Variants in PTPRT observed in about 807,000 individuals in gnomAD.
The protein encoded by PTPRT is protein tyrosine phosphatase receptor type T.
In PTPRT, 56 loss-of-function variants were observed where a neutral mutation model predicts 176.8. The observed-to-expected ratio is 0.32, with a 90% confidence interval of 0.26 to 0.40. The LOEUF (loss-of-function observed/expected upper bound fraction) is 0.40, where lower values mean the gene tolerates loss of function less well. Ranked by LOEUF, PTPRT falls within the 10% of genes least tolerant of loss-of-function variation. PTPRT has a pLI of 1.00. For synonymous variants in PTPRT, 783 were observed against 739.0 expected, an observed-to-expected ratio of 1.06 and a Z score of -0.96; for missense variants, 1,540 against 1,908.2, an observed-to-expected ratio of 0.81 and a Z score of 3.60.
At chr20:42,875,633 A>T (rs989491087) in intron 2 of PTPRT, among the ~76,000 whole-genome samples, 2 of 152,220 alleles carry the variant, frequency 1.3e-5, no homozygotes, top group African/African-American at 4.8e-5. Context: ...TCATTCACCC[A>T]GGAGAATATC....
chr20:43,139,189 T>G (rs966781054), intron 1 of PTPRT, among the ~76,000 whole-genome samples: 8 of 152,212 alleles, frequency 5.3e-5, no homozygotes, highest in African/African-American at 1.9e-4. Context: ...GACTGTGACT[T>G]TATCAATCGT....
chr20:42,194,960 AAC>A (rs1236935651), intron 16 of PTPRT, among the ~76,000 whole-genome samples: 1 of 152,188 alleles, frequency 6.6e-6, no homozygotes, highest in African/African-American at 2.4e-5. Flanking sequence ...GAATAGTGAG[AAC>A]ACATGGACAC....
intron 7 of PTPRT, among the ~76,000 whole-genome samples, chr20:42,549,274 G>A (rs1321248069): frequency 6.6e-6 from 1 of 151,938 alleles, no homozygotes. Context: ...CAGTAATCTG[G>A]ATGGAAGTTA....
chr20:42,340,598 T>C (rs900982189), intron 11 of PTPRT, among the ~76,000 whole-genome samples: 2 of 152,212 alleles, frequency 1.3e-5, no homozygotes, highest in Non-Finnish European at 2.9e-5. Flanking sequence ...CAGAATGCTT[T>C]TTGGATAAGA....
At chr20:42,743,399 A>C (rs1022626168) in intron 6 of PTPRT, among the ~76,000 whole-genome samples, 4 of 152,222 alleles carry the variant, frequency 2.6e-5, no homozygotes, top group African/African-American at 7.2e-5. Flanking sequence ...AACTTTAAAG[A>C]AGCAAAGAAA....
chr20:42,156,072 T>A (rs928778161), intron 17 of PTPRT, among the ~76,000 whole-genome samples: 4 of 152,194 alleles, frequency 2.6e-5, no homozygotes, highest in Admixed American at 2.0e-4. Flanking sequence ...TGCCCACCCC[T>A]GTGCCATAGC....
Position 42,702,779 on chromosome 20 carries a change from T to A in PTPRT, c.860-24620A>T, listed in dbSNP as rs562010850. 5.1e-4 allele frequency among the ~76,000 whole-genome samples: 77 copies of A among 152,276 alleles called. No homozygotes were observed. The South Asian group carries it at 0.015, about 29-fold the overall frequency. ...GTGTTTATCAAGTTCCCTTAGAAAG[T>A]CAGTGGCAGAGCTAGAACCAGATCT... On this transcript the variant is annotated intron_variant, in intron 6 of 30. Coordinates refer to ENST00000373187, the MANE Select transcript of PTPRT (RefSeq NM_007050.6).
chr20:42,988,026 T>C (rs1454840182), intron 1 of PTPRT, among the ~76,000 whole-genome samples: 1 of 152,134 alleles, frequency 6.6e-6, no homozygotes, highest in Non-Finnish European at 1.5e-5. Context: ...AATCGAATCT[T>C]GGAAGTGACA....
At chr20:42,514,757 G>A (rs536357018) in intron 7 of PTPRT, among the ~76,000 whole-genome samples, 12 of 152,308 alleles carry the variant, frequency 7.9e-5, no homozygotes, top group Non-Finnish European at 1.3e-4. Context: ...TGCATAGTGA[G>A]TGATAGGATC....
intron 9 of PTPRT, among the ~76,000 whole-genome samples, chr20:42,427,151 A>G (rs1244270407): frequency 6.6e-6 from 1 of 152,194 alleles, no homozygotes; most frequent in East Asian, 1.9e-4. Flanking sequence ...CCATTGATTT[A>G]GAAAGTAAAA....
At chr20:42,527,972 C>T (rs2072308656) in intron 7 of PTPRT, among the ~76,000 whole-genome samples, 1 of 152,178 alleles carries the variant, frequency 6.6e-6, no homozygotes, top group Non-Finnish European at 1.5e-5. Context: ...CAAAACTATG[C>T]CACTCTCTTG....
At chr20:42,659,607 G>T (rs1299884799) in intron 7 of PTPRT, among the ~76,000 whole-genome samples, 1 of 152,140 alleles carries the variant, frequency 6.6e-6, no homozygotes, top group Non-Finnish European at 1.5e-5. Context: ...CCATGGCTTT[G>T]GTCAAATGCT....
intron 2 of PTPRT, among the ~76,000 whole-genome samples, chr20:42,805,766 G>A (rs548200176): frequency 2.0e-5 from 3 of 152,252 alleles, no homozygotes; most frequent in Admixed American, 6.5e-5. Flanking sequence ...TGTATTTTCT[G>A]AGCCTGTGCA....
In PTPRT at chr20:42,535,035, G is replaced by A. The variant is rs562034879; in HGVS notation, c.1154-62473C>T. Among the ~76,000 whole-genome samples, 107 of 152,270 alleles carry A rather than the reference G, an allele frequency of 7.0e-4. 1 individual carries two copies. The highest frequency in any genetic ancestry group is 6.7e-3 in the Admixed American group (103 of 15,294). On this transcript the variant is annotated intron_variant, in intron 7 of 30. Coordinates refer to ENST00000373187, the MANE Select transcript of PTPRT (RefSeq NM_007050.6). ...CCCTATTATGCGGATAAGAAACAGA[G>A]GGAAAAGGAGGTTAATGAACCTGCC...
chr20:42,418,731 G>A (rs899088074), intron 9 of PTPRT, among the ~76,000 whole-genome samples: 1 of 152,068 alleles, frequency 6.6e-6, no homozygotes, highest in African/African-American at 2.4e-5. Context: ...AGGGTATTCA[G>A]CCAGGACCAT....
At chr20:42,418,020 G>A (rs2059082455) in intron 9 of PTPRT, among the ~76,000 whole-genome samples, 1 of 152,066 alleles carries the variant, frequency 6.6e-6, no homozygotes, top group African/African-American at 2.4e-5. Context: ...TTTATCCTCA[G>A]AGTGACATTC....
At chr20:42,720,707 C>T (rs1048869440) in intron 6 of PTPRT, among the ~76,000 whole-genome samples, 1 of 152,152 alleles carries the variant, frequency 6.6e-6, no homozygotes, top group African/African-American at 2.4e-5. Flanking sequence ...TCCAAGCTTT[C>T]CTGAGTATGC....
intron 9 of PTPRT, among the ~76,000 whole-genome samples, chr20:42,418,952 G>C (rs2059091078): frequency 6.6e-6 from 1 of 152,188 alleles, no homozygotes; most frequent in African/African-American, 2.4e-5. Context: ...GCTCCCAGAG[G>C]AGAGAGATTT....
At chr20:42,734,785 G>C (rs982917478) in intron 6 of PTPRT, among the ~76,000 whole-genome samples, 2 of 152,198 alleles carry the variant, frequency 1.3e-5, no homozygotes, top group Admixed American at 1.3e-4. Flanking sequence ...AGCTGTTGCT[G>C]CCAGGGGCAG....
Sources: allele counts gnomAD v4.1 joint callset (sites outside exome capture counted in the v4.1 genomes callset), GRCh38; gene constraint gnomAD v4.1.1; transcripts MANE v1.5; gene names NCBI Gene and HGNC (gene_info 2026-07-23, HGNC 2026-07-21).